ZDHHC20: variants seen among roughly 807,000 people sequenced by gnomAD.
The protein encoded by ZDHHC20 is zDHHC palmitoyltransferase 20, also known as palmitoyltransferase ZDHHC20.
In ZDHHC20, 43 loss-of-function variants were observed where a neutral mutation model predicts 57.8. The ratio of observed to expected loss-of-function variants is 0.74; its 90% CI spans 0.58 to 0.96. The LOEUF (loss-of-function observed/expected upper bound fraction) is 0.96. Among genes scored for constraint, ZDHHC20 ranks in the 40% least tolerant of loss-of-function variants. The pLI, the probability that ZDHHC20 is intolerant of heterozygous loss-of-function variation, is 0.00. For missense variants in ZDHHC20, 391 were observed against 441.1 expected (o/e 0.89, Z 1.02); for synonymous variants, 157 against 153.0 (o/e 1.03, Z -0.19).
rs146693066 is a variant in ZDHHC20, at chr13:21,432,584, G to A, written c.119-6906C>T. 6.7e-3 allele frequency among the ~76,000 whole-genome samples: 1,025 copies of A among 152,054 alleles called. 15 individuals are homozygous for A. Among genetic ancestry groups the A allele is most frequent in the African/African-American group, 0.023 (956 of 41,462 alleles). ...CCTGACCTCGTGATCCACCTGCCTCGGCCTCCCAAAGTGCTGGGATTACAG... is the reference window on the plus strand; with the variant it reads ...CCTGACCTCGTGATCCACCTGCCTCAGCCTCCCAAAGTGCTGGGATTACAG... On this transcript the variant is annotated intron_variant, in intron 1 of 12. Transcript: ENST00000400590.
At chr13:21,393,011 C>T (rs570433734) in intron 7 of ZDHHC20, among the ~76,000 whole-genome samples, 3 of 152,204 alleles carry the variant, frequency 2.0e-5, no homozygotes, top group African/African-American at 7.2e-5. Context: ...CAAATAGAGA[C>T]ATATATTAAG....
At chr13:21,385,078 A>C (rs780764700) in intron 9 of ZDHHC20, among the ~76,000 whole-genome samples, 1 of 152,088 alleles carries the variant, frequency 6.6e-6, no homozygotes, top group Non-Finnish European at 1.5e-5. Context: ...AATAGATACA[A>C]TTAAAAGAGA....
Position 21,413,719 on chromosome 13 carries a change from T to C in ZDHHC20, c.303A>G (p.Glu101=). 1 of 1,612,002 alleles carries C rather than the reference T, an allele frequency of 6.2e-7. No homozygotes were observed. Among genetic ancestry groups the C allele is most frequent in the South Asian group, 1.1e-5 (1 of 90,928 alleles). The part of the protein sequence containing the change: ...KERYEKEFSQ[E]RQQEILRRAA... ...CTCTTCTCAAAATTTCTTGTTGTCT[T>C]TCTTGGCTGAATTCTTTTTCATAAC... The change falls in exon 4 of 13, where the codon GAA becomes GAG. Residue 101 remains glutamate (E), a synonymous_variant. Transcript: ENST00000400590.
chr13:21,426,825 T>C (rs1204359687), intron 1 of ZDHHC20, among the ~76,000 whole-genome samples: 1 of 152,196 alleles, frequency 6.6e-6, no homozygotes, highest in East Asian at 1.9e-4. Flanking sequence ...CAGGCTGGTC[T>C]CGAACTCCTG....
intron 1 of ZDHHC20, among the ~76,000 whole-genome samples, chr13:21,432,373 A>T (rs1882063485): frequency 6.7e-6 from 1 of 149,214 alleles, no homozygotes; most frequent in African/African-American, 2.5e-5. Context: ...TCTGTAGCCC[A>T]GGCTGGTGTG....
At chr13:21,423,955 A>C (rs1366809973) in intron 2 of ZDHHC20, among the ~76,000 whole-genome samples, 3 of 152,002 alleles carry the variant, frequency 2.0e-5, no homozygotes, top group Admixed American at 6.6e-5. Context: ...AGATACTTTA[A>C]ATGTAAAAAC....
In ZDHHC20 at chr13:21,399,617, C is replaced by T. The variant is rs957087880; in HGVS notation, c.594+756G>A. ...CTATTTGTCCATGTTATACAAAATC[C>T]AAAGGATAACTGTAGAAAGCATGTC... On this transcript the variant is annotated intron_variant, in intron 7 of 12. Coordinates refer to ENST00000400590, the MANE Select transcript of ZDHHC20 (RefSeq NM_001330059.2). Among the ~76,000 whole-genome samples, 30 of 152,094 alleles carry T rather than the reference C, an allele frequency of 2.0e-4. 1 individual carries two copies. The East Asian group carries it at 4.5e-3, about 23-fold the overall frequency.
intron 3 of ZDHHC20, 44 bp downstream of exon 3, chr13:21,421,017 A>G: frequency 6.6e-7 from 1 of 1,514,678 alleles, no homozygotes; most frequent in Non-Finnish European, 9.1e-7. Context: ...AAAAAATTCC[A>G]TAATCAGTTA....
chr13:21,448,362 G>C, intron 1 of ZDHHC20, among the ~76,000 whole-genome samples: 1 of 118,248 alleles, frequency 8.5e-6, no homozygotes, highest in South Asian at 2.7e-4. Flanking sequence ...CGTCCGGGAG[G>C]GAGGTGGGGG....
intron 2 of ZDHHC20, among the ~76,000 whole-genome samples, chr13:21,422,163 ATT>A (rs1880716385): frequency 6.6e-6 from 1 of 151,896 alleles, no homozygotes; most frequent in Non-Finnish European, 1.5e-5. Context: ...TTATCCAGGT[ATT>A]TTAATGATTT....
At chr13:21,458,958 TG>T in intron 1 of ZDHHC20, 95 bp downstream of exon 1, 1 of 917,124 alleles carries the variant, frequency 1.1e-6, no homozygotes, top group Non-Finnish European at 1.5e-6. Flanking sequence ...CGTCCGGCGC[TG>T]GCTCCAGAAA....
chr13:21,403,978 G>A (rs761662637), intron 4 of ZDHHC20, among the ~76,000 whole-genome samples: 3 of 152,154 alleles, frequency 2.0e-5, no homozygotes, highest in Non-Finnish European at 4.4e-5. Context: ...GTGAGCCACC[G>A]TGGCTGGCGG....
intron 1 of ZDHHC20, among the ~76,000 whole-genome samples, chr13:21,440,638 G>GTA (rs1317604213): frequency 1.1e-3 from 125 of 110,712 alleles, no homozygotes; most frequent in East Asian, 5.5e-3. Context: ...AAGTGTGTGT[G>GTA]TGTGTGTGTG....
intron 1 of ZDHHC20, among the ~76,000 whole-genome samples, chr13:21,438,997 T>G (rs1026887897): frequency 6.6e-6 from 1 of 152,242 alleles, no homozygotes; most frequent in African/African-American, 2.4e-5. Flanking sequence ...ACAATGCTAT[T>G]GCACACTTAA....
chr13:21,382,954 C>G lies in ZDHHC20; in HGVS notation c.910G>C (p.Ala304Pro). 6.4e-7 allele frequency: 1 copy of G among 1,565,272 alleles called. No individual in the cohort carries two copies. Among genetic ancestry groups the G allele is most frequent in the South Asian group, 1.2e-5 (1 of 84,814 alleles). Residue 304 changes from alanine to proline, a missense_variant, in exon 10 of 13, where the codon GCT becomes CCT. Coordinates refer to ENST00000400590, the MANE Select transcript of ZDHHC20 (RefSeq NM_001330059.2). ...TRLVGMDPEQASVTNQNEYAR... is the reference protein window; with the variant it reads ...TRLVGMDPEQPSVTNQNEYAR... ...TACTCATTCTGGTTTGTAACAGAAG[C>G]TTGTTCTGGATCCATCCCCACAAGG...
Position 21,414,548 on chromosome 13 carries a change from T to C in ZDHHC20, c.250-776A>G, listed in dbSNP as rs1379224189. Among the ~76,000 whole-genome samples the C allele has an allele frequency of 6.8e-5, 10 of 147,532 alleles. No homozygotes were observed. The East Asian group carries it at 1.6e-3, about 23-fold the overall frequency. On this transcript the variant is annotated intron_variant, in intron 3 of 12. Transcript: ENST00000400590. Reference sequence around the variant, plus strand: ...GATAATTTTTTTTTTTTTTTTTGTATTTTTAGTAGAGGCGAGGTTTCACCG... The same window carrying C: ...GATAATTTTTTTTTTTTTTTTTGTACTTTTAGTAGAGGCGAGGTTTCACCG...
intron 1 of ZDHHC20, among the ~76,000 whole-genome samples, chr13:21,437,935 C>T (rs1454155938): frequency 6.6e-6 from 1 of 152,224 alleles, no homozygotes; most frequent in African/African-American, 2.4e-5. Context: ...TCGTGATCTG[C>T]CCGCCTCGGC....
chr13:21,415,876 A>G (rs2137879442), intron 3 of ZDHHC20, among the ~76,000 whole-genome samples: 1 of 152,194 alleles, frequency 6.6e-6, no homozygotes. Flanking sequence ...AAGCCTCTCT[A>G]CTGCTACTCA....
At position 21,459,033 on chromosome 13, in the gene ZDHHC20, G is replaced by A. The variant is rs749162686; in HGVS notation, c.118+21C>T. The A allele has an allele frequency of 5.1e-6, 8 of 1,566,582 alleles. No homozygotes were observed. The East Asian group carries it at 1.5e-4, about 29-fold the overall frequency. On this transcript the variant is annotated intron_variant, in intron 1 of 12. Transcript: ENST00000400590. ...TAGCCGCGGCCCGCGCCCCGCCGCA[G>A]TCCCCGGGGACGGTACTCACACACG... is the stretch of plus-strand genomic sequence containing the variant.
Sources: gnomAD v4.1 joint callset for allele counts (sites outside exome capture counted in the v4.1 genomes callset) on GRCh38, gnomAD v4.1.1 for gene constraint, MANE v1.5 for transcripts, NCBI Gene and HGNC (gene_info 2026-07-23, HGNC 2026-07-21) for gene names.